CD99L2: variants seen among roughly 807,000 people sequenced by gnomAD.
The protein encoded by CD99L2 is CD99 molecule like 2.
A neutral mutation model predicts 27.3 loss-of-function variants in CD99L2; 24 were observed. The ratio of observed to expected loss-of-function variants is 0.88; its 90% CI spans 0.64 to 1.24. The LOEUF is 1.24. CD99L2 is among the 50% of genes most tolerant of loss of function. The pLI is 0.00. For synonymous variants in CD99L2, 97 were observed against 87.9 expected, an observed-to-expected ratio of 1.10 and a Z score of -0.58; for missense variants, 255 against 221.6, an observed-to-expected ratio of 1.15 and a Z score of -0.96.
At chrX:150,832,857 G>T (rs898622173) in intron 1 of CD99L2, among the ~76,000 whole-genome samples, 139 of 110,995 alleles carry the variant, frequency 1.3e-3, no homozygotes, top group Non-Finnish European at 2.1e-3. Context: ...AGACCATCCT[G>T]GCTAACACGG....
intron 4 of CD99L2, among the ~76,000 whole-genome samples, chrX:150,807,410 A>C (rs2124161032): frequency 9.0e-6 from 1 of 111,495 alleles, no homozygotes; most frequent in Non-Finnish European, 1.9e-5. Flanking sequence ...CTATGCAGAC[A>C]CTTCTCATGG....
intron 7 of CD99L2, among the ~76,000 whole-genome samples, chrX:150,791,983 G>A (rs1557419721): frequency 8.9e-6 from 1 of 112,016 alleles, no homozygotes; most frequent in Non-Finnish European, 1.9e-5. Context: ...TTTTCATGCT[G>A]AAGATCATAA....
chrX:150,880,658 C>T (rs187077451), intron 1 of CD99L2, among the ~76,000 whole-genome samples: 122 of 111,116 alleles, frequency 1.1e-3, no homozygotes, highest in African/African-American at 3.6e-3. Context: ...TAGAAACCAC[C>T]GAGCTGTGTA....
At chrX:150,800,617 G>C (rs782614534) in intron 4 of CD99L2, among the ~76,000 whole-genome samples, 1 of 111,314 alleles carries the variant, frequency 9.0e-6, no homozygotes, top group Admixed American at 9.5e-5. Context: ...GGTATTTGCA[G>C]GGGGTCCCAG....
intron 7 of CD99L2, among the ~76,000 whole-genome samples, chrX:150,786,262 T>A (rs2045593474): frequency 9.0e-6 from 1 of 110,972 alleles, no homozygotes; most frequent in Non-Finnish European, 1.9e-5. Flanking sequence ...ATGTGCAGGT[T>A]TGTTATACAG....
chrX:150,872,052 G>A (rs1051457561), intron 1 of CD99L2, among the ~76,000 whole-genome samples: 2 of 110,717 alleles, frequency 1.8e-5, no homozygotes, highest in Non-Finnish European at 3.8e-5. Flanking sequence ...GCAATGTAGG[G>A]AGACCCTGTC....
intron 1 of CD99L2, among the ~76,000 whole-genome samples, chrX:150,877,634 C>G (rs1349970699): frequency 2.7e-5 from 3 of 110,732 alleles, no homozygotes; most frequent in African/African-American, 9.9e-5. Context: ...CCAGCTTGGG[C>G]ATAACAAGAG....
chrX:150,816,941 G>A (rs1043677918), intron 2 of CD99L2, among the ~76,000 whole-genome samples: 34 of 105,066 alleles, frequency 3.2e-4, no homozygotes, highest in Non-Finnish European at 5.1e-4. Flanking sequence ...GTAAACTATC[G>A]CAAGAACAAA....
rs1569565835 is a variant in CD99L2 at position 150,769,697 on chromosome X, TGCTCCCC to T, written c.721+600_722-597del. Among the ~76,000 whole-genome samples, 75 of 78,482 alleles carry T rather than the reference TGCTCCCC, an allele frequency of 9.6e-4. 5 individuals are homozygous for T. In the East Asian group the frequency reaches 0.026, roughly 27 times the overall value. 68.2% of individuals were successfully genotyped at this position (78,482 alleles called of 115,157 possible). On this transcript the variant is annotated intron_variant, in intron 10 of 10. Coordinates refer to ENST00000370377, the MANE Select transcript of CD99L2 (RefSeq NM_031462.4). ...CCTGCCTGCGCCACCAGGCCTCGGC[TGCTCCCC>T]GACCCCAGCAAGCCTTTCCGGACCT...
chrX:150,893,465 C>T (rs1603327492), intron 1 of CD99L2, among the ~76,000 whole-genome samples: 1 of 108,937 alleles, frequency 9.2e-6, no homozygotes, highest in Non-Finnish European at 1.9e-5. Context: ...GCTTGGATCC[C>T]AGCCTGGCAT....
chrX:150,823,221 C>CT (rs1307599842), intron 2 of CD99L2, among the ~76,000 whole-genome samples: 1 of 112,080 alleles, frequency 8.9e-6, no homozygotes, highest in Non-Finnish European at 1.9e-5. Flanking sequence ...ATGTCTTAGT[C>CT]TTTTTTCTGC....
chrX:150,799,135 T>C (rs180855658), intron 4 of CD99L2, among the ~76,000 whole-genome samples: 1 of 111,739 alleles, frequency 8.9e-6, no homozygotes, highest in East Asian at 2.8e-4. Flanking sequence ...TATTTACAAA[T>C]CTTACATCCA....
intron 10 of CD99L2, among the ~76,000 whole-genome samples, chrX:150,769,651 C>T (rs782575416): frequency 3.7e-5 from 4 of 108,957 alleles, no homozygotes; most frequent in East Asian, 2.8e-4. Context: ...TGGCAACACT[C>T]GCCTGAGCTG....
At chrX:150,771,179 A>G (rs1009921120) in intron 9 of CD99L2, among the ~76,000 whole-genome samples, 1 of 112,016 alleles carries the variant, frequency 8.9e-6, no homozygotes, top group Non-Finnish European at 1.9e-5. Context: ...GCATGGTTCC[A>G]ACCGACCGAC....
intron 7 of CD99L2, among the ~76,000 whole-genome samples, chrX:150,782,823 TATTGGGGGTTAGGGTTTCAACAC>T (rs1362762537): frequency 3.7e-4 from 41 of 111,111 alleles, no homozygotes; most frequent in African/African-American, 1.3e-3. Flanking sequence ...AATAACATCC[TATTGGGGGTTAGGGTTTCAACAC>T]ATGAATTTTC....
intron 1 of CD99L2, among the ~76,000 whole-genome samples, chrX:150,835,327 AATAC>A (rs1557421169): frequency 8.9e-6 from 1 of 112,325 alleles, no homozygotes; most frequent in African/African-American, 3.2e-5. Flanking sequence ...GTACCCTATA[AATAC>A]ATACAAAGAT....
chrX:150,887,447 C>CAGAA (rs1557422659), intron 1 of CD99L2, among the ~76,000 whole-genome samples: 15 of 78,669 alleles, frequency 1.9e-4, no homozygotes, highest in African/African-American at 7.5e-4. Flanking sequence ...ACTCCGTCTC[C>CAGAA]AGAAATAAAT....
At chrX:150,829,502 G>T in intron 2 of CD99L2, 1 of 330,592 alleles carries the variant, frequency 3.0e-6, no homozygotes, top group Non-Finnish European at 5.9e-6. Context: ...AGAGAATGTG[G>T]CCCAACCAAC....
At chrX:150,786,434 C>T (rs1325291023) in intron 7 of CD99L2, among the ~76,000 whole-genome samples, 4 of 110,979 alleles carry the variant, frequency 3.6e-5, no homozygotes, top group African/African-American at 1.3e-4. Flanking sequence ...TCTATGTGTT[C>T]TCATCATTTA....
Sources: gnomAD v4.1 joint callset for allele counts (sites outside exome capture counted in the v4.1 genomes callset) on GRCh38, gnomAD v4.1.1 for gene constraint, MANE v1.5 for transcripts, NCBI Gene and HGNC (gene_info 2026-07-23, HGNC 2026-07-21) for gene names.